The following TPH1 variants were observed in gnomAD, a reference collection of about 807,000 sequenced individuals.
TPH1 encodes tryptophan hydroxylase 1, also known as tryptophan 5-hydroxylase 1.
TPH1 carries 37 observed loss-of-function variants against 49.5 expected under a neutral mutation model. That is an observed-to-expected ratio of 0.75 (90% CI 0.58 to 0.98). The LOEUF (loss-of-function observed/expected upper bound fraction) is 0.98. TPH1 is among the 50% of genes least tolerant of loss of function. The pLI is 0.00. For missense variants in TPH1, 487 were observed against 523.6 expected, an observed-to-expected ratio of 0.93 and a Z score of 0.68; for synonymous variants, 160 against 182.1, an observed-to-expected ratio of 0.88 and a Z score of 0.98.
In TPH1 at chr11:18,021,251, C is replaced by A; in HGVS notation, c.1161-86G>T. The A allele has an allele frequency of 1.3e-5, 18 of 1,393,964 alleles. No homozygotes were observed. In the South Asian group the frequency reaches 2.1e-4, roughly 16 times the overall value. 86.3% of individuals were successfully genotyped at this position (1,393,964 alleles called of 1,614,324 possible). A position where few individuals can be genotyped will look rare whatever the true frequency, so the allele number is the denominator to read the frequency against. On this transcript the variant is annotated intron_variant, in intron 10 of 10. Coordinates refer to ENST00000682019, the MANE Select transcript of TPH1 (RefSeq NM_004179.3). ...CAAACAACAGAATATATTTCACATA[C>A]TAGGCAAAAAACAAATTCTTGTTAG...
chr11:18,035,298 TG>T (rs1353005096), intron 3 of TPH1, among the ~76,000 whole-genome samples: 4 of 152,242 alleles, frequency 2.6e-5, no homozygotes, highest in African/African-American at 9.6e-5. Flanking sequence ...CAAGAAATGT[TG>T]ATGATTTGGA....
At chr11:18,026,704 C>T (rs1847932107) in intron 6 of TPH1, 79 bp from the exon 7 acceptor site, 2 of 1,527,438 alleles carry the variant, frequency 1.3e-6, no homozygotes, top group South Asian at 2.3e-5. Flanking sequence ...CTGCTAGTGG[C>T]ACCAAGTAAC....
chr11:18,022,448 T>A (rs1854373995), intron 10 of TPH1, among the ~76,000 whole-genome samples: 1 of 152,210 alleles, frequency 6.6e-6, no homozygotes, highest in East Asian at 1.9e-4. Context: ...TGCTCTTGAA[T>A]AAAATGCAGA....
intron 3 of TPH1, 61 bp downstream of exon 3, chr11:18,035,898 A>G: frequency 2.2e-6 from 3 of 1,356,626 alleles, no homozygotes; most frequent in Non-Finnish European, 3.1e-6. Context: ...AGATAAATAT[A>G]AGGCTGGACA....
At chr11:18,043,457 T>TGGCTGGGTGTGGTGGCGGG (rs1848115472) in intron 1 of TPH1, among the ~76,000 whole-genome samples, 1 of 151,960 alleles carries the variant, frequency 6.6e-6, no homozygotes, top group African/African-American at 2.4e-5. Context: ...ATACAAAAAT[T>TGGCTGGGTGTGGTGGCGGG]AGCCTGGCAT....
chr11:18,033,183 G>A, intron 4 of TPH1, 91 bp downstream of exon 4: 3 of 976,966 alleles, frequency 3.1e-6, no homozygotes, highest in Non-Finnish European at 3.3e-6. Context: ...AACCCAAGAA[G>A]CAGAGGTTGC....
chr11:18,032,635 T>C (rs1269142215), intron 4 of TPH1, among the ~76,000 whole-genome samples: 1 of 130,174 alleles, frequency 7.7e-6, no homozygotes, highest in Non-Finnish European at 1.6e-5. Context: ...AAGCTCCACC[T>C]CCCAGGTTCA....
chr11:18,029,111 A>ATGATCAAAACAGAGTTCAGCAACTCC, intron 6 of TPH1, 54 bp downstream of exon 6: 1 of 1,002,464 alleles, frequency 1.0e-6, no homozygotes, highest in Non-Finnish European at 1.5e-6. Context: ...AAATGCTGTC[A>ATGATCAAAACAGAGTTCAGCAACTCC]TGATCAAAAC....
chr11:18,034,352 C>A (rs1848023135), intron 3 of TPH1, among the ~76,000 whole-genome samples: 1 of 152,206 alleles, frequency 6.6e-6, no homozygotes, highest in African/African-American at 2.4e-5. Context: ...CAGCATATTG[C>A]TCTTTCTAAC....
intron 3 of TPH1, among the ~76,000 whole-genome samples, chr11:18,035,698 T>C (rs1338918012): frequency 2.6e-5 from 4 of 152,168 alleles, no homozygotes; most frequent in Non-Finnish European, 5.9e-5. Context: ...AGTGCGGGGA[T>C]TACAGGCATG....
chr11:18,034,982 T>G (rs940372478), intron 3 of TPH1, among the ~76,000 whole-genome samples: 1 of 152,182 alleles, frequency 6.6e-6, no homozygotes, highest in Non-Finnish European at 1.5e-5. Flanking sequence ...TCATCAGGCA[T>G]TGGATTCTCA....
chr11:18,021,284 T>A, intron 10 of TPH1, 119 bp from the exon 11 acceptor site: 1 of 982,220 alleles, frequency 1.0e-6, no homozygotes, highest in Non-Finnish European at 1.6e-6. Flanking sequence ...TAGATATGTG[T>A]ACAACCAATC....
chr11:18,035,727 T>C (rs1484022603), intron 3 of TPH1, among the ~76,000 whole-genome samples: 1 of 152,012 alleles, frequency 6.6e-6, no homozygotes, highest in Non-Finnish European at 1.5e-5. Context: ...CACCCAGCTG[T>C]TTCTTATACT....
chr11:18,036,779 T>C (rs1302093631), intron 2 of TPH1, among the ~76,000 whole-genome samples: 1 of 152,080 alleles, frequency 6.6e-6, no homozygotes, highest in Non-Finnish European at 1.5e-5. Context: ...CACCCTATAG[T>C]TTTTTCATCT....
Position 18,018,616 on chromosome 11 carries a change from A to G in TPH1, c.*2375T>C, listed in dbSNP as rs939821389. The G allele has an allele frequency of 1.4e-4, 19 of 140,062 alleles. No homozygotes were observed. The highest frequency in any genetic ancestry group is 5.1e-4 in the African/African-American group (19 of 37,260). 8.7% of individuals were successfully genotyped at this position (140,062 alleles called of 1,614,324 possible). On this transcript the variant is annotated 3_prime_UTR_variant, in exon 11 of 11. Transcript: ENST00000682019. The stretch of plus-strand genomic sequence containing the variant: ...GGGAGGTGGAGCTTGCAGTGAGCCA[A>G]GATCGCACCACTGCACTCCAGCCTG...
At chr11:18,025,423 C>A in intron 8 of TPH1, 152 bp downstream of exon 8, 1 of 916,616 alleles carries the variant, frequency 1.1e-6, no homozygotes, top group South Asian at 1.3e-5. Flanking sequence ...CTCTGTTGCC[C>A]AGGCTGGAGT....
At chr11:18,029,081 CAAAAAA>C (rs368358256) in intron 6 of TPH1, 78 bp downstream of exon 6, 55 of 540,618 alleles carry the variant, frequency 1.0e-4, no homozygotes, top group Admixed American at 1.1e-4. Context: ...GACTCTGTCT[CAAAAAA>C]AAAAAAAAAA....
At chr11:18,024,856 C>T (rs1206882224) in intron 8 of TPH1, among the ~76,000 whole-genome samples, 1 of 152,224 alleles carries the variant, frequency 6.6e-6, no homozygotes, top group East Asian at 1.9e-4. Context: ...TCCCCAGACA[C>T]ACCAAGCACC....
At chr11:18,030,848 C>T (rs1438552597) in intron 4 of TPH1, among the ~76,000 whole-genome samples, 5 of 152,142 alleles carry the variant, frequency 3.3e-5, no homozygotes, top group African/African-American at 1.2e-4. Flanking sequence ...CCATGTTGCT[C>T]AAACTTGGAG....
Sources: gnomAD v4.1 joint callset for allele counts (sites outside exome capture counted in the v4.1 genomes callset) on GRCh38, gnomAD v4.1.1 for gene constraint, MANE v1.5 for transcripts, NCBI Gene and HGNC (gene_info 2026-07-23, HGNC 2026-07-21) for gene names.